ADAMTSL1: variants seen among roughly 807,000 people sequenced by gnomAD.
ADAMTSL1 encodes the protein ADAMTS-like protein 1.
A neutral mutation model predicts 201.8 loss-of-function variants in ADAMTSL1; 126 were observed. That is an observed-to-expected ratio of 0.62 (90% confidence interval 0.54 to 0.72). The LOEUF is 0.72. Among genes scored for constraint, ADAMTSL1 ranks in the 30% least tolerant of loss-of-function variants. ADAMTSL1 has a pLI of 0.00. For synonymous variants in ADAMTSL1, 1,121 were observed against 903.4 expected (o/e 1.24, Z -4.32); for missense variants, 2,679 against 2,277.8 (o/e 1.18, Z -3.59).
At chr9:18,533,639 A>G (rs1359325781) in intron 3 of ADAMTSL1, among the ~76,000 whole-genome samples, 2 of 152,144 alleles carry the variant, frequency 1.3e-5, no homozygotes, top group Non-Finnish European at 2.9e-5. Flanking sequence ...TGTAAATCAA[A>G]CTCAGATTTG....
intron 23 of ADAMTSL1, among the ~76,000 whole-genome samples, chr9:18,841,712 A>C (rs1420391998): frequency 2.6e-5 from 4 of 152,180 alleles, no homozygotes; most frequent in Non-Finnish European, 5.9e-5. Flanking sequence ...TCACAATTTC[A>C]GTTCCTGTTA....
At chr9:18,304,106 G>A (rs1451540877) in intron 2 of ADAMTSL1, among the ~76,000 whole-genome samples, 1 of 151,924 alleles carries the variant, frequency 6.6e-6, no homozygotes. Flanking sequence ...CTGTCTAGAT[G>A]TCCTCTATGT....
chr9:17,984,874 C>A (rs1183511079), intron 1 of ADAMTSL1, among the ~76,000 whole-genome samples: 1 of 152,054 alleles, frequency 6.6e-6, no homozygotes, highest in Admixed American at 6.5e-5. Flanking sequence ...AATCATAACC[C>A]CCTCTACCTT....
At chr9:17,969,408 C>G (rs1054441376) in intron 1 of ADAMTSL1, among the ~76,000 whole-genome samples, 5 of 152,034 alleles carry the variant, frequency 3.3e-5, no homozygotes, top group African/African-American at 1.2e-4. Flanking sequence ...AGGAGGTAGA[C>G]TTTGCCTTCA....
rs1378557936 is a variant in ADAMTSL1, at chr9:18,547,785, C to T, written c.237+14493C>T. Among the ~76,000 whole-genome samples, 6 of 151,960 alleles carry T rather than the reference C, an allele frequency of 3.9e-5. No homozygotes were observed. The East Asian group carries it at 1.2e-3, about 29-fold the overall frequency. On this transcript the variant is annotated intron_variant, in intron 3 of 28. Coordinates refer to ENST00000380548, the MANE Select transcript of ADAMTSL1 (RefSeq NM_001040272.6). ...GCCATACTTTCCCTCTGGGTCTAGACTTGCAATTTCTTCATTATGGATTAA... is the reference window on the plus strand; with the variant it reads ...GCCATACTTTCCCTCTGGGTCTAGATTTGCAATTTCTTCATTATGGATTAA...
At chr9:18,876,301 C>CGTGTGTGTGTGTGTGTGTGTGTGTGTGT (rs59150507) in intron 23 of ADAMTSL1, among the ~76,000 whole-genome samples, 20 of 139,726 alleles carry the variant, frequency 1.4e-4, no homozygotes, top group African/African-American at 2.2e-4. Flanking sequence ...TGCCTGAATA[C>CGTGTGTGTGTGTGTGTGTGTGTGTGTGT]GTGTGTGTGT....
intron 2 of ADAMTSL1, among the ~76,000 whole-genome samples, chr9:18,324,941 A>T (rs929288447): frequency 6.6e-6 from 1 of 152,188 alleles, no homozygotes. Flanking sequence ...GGACAAAAAA[A>T]CTTAAACACT....
At chr9:18,063,071 G>A (rs1203499862) in intron 1 of ADAMTSL1, among the ~76,000 whole-genome samples, 3 of 152,184 alleles carry the variant, frequency 2.0e-5, no homozygotes. Flanking sequence ...GCTCATGTCT[G>A]TAATCCTGGT....
At chr9:18,353,595 G>A (rs1180493773) in intron 2 of ADAMTSL1, among the ~76,000 whole-genome samples, 1 of 152,152 alleles carries the variant, frequency 6.6e-6, no homozygotes, top group Non-Finnish European at 1.5e-5. Context: ...TAGTTAGTAA[G>A]GAGGCCCATA....
At chr9:18,259,271 C>A (rs750011244) in intron 2 of ADAMTSL1, among the ~76,000 whole-genome samples, 20 of 152,118 alleles carry the variant, frequency 1.3e-4, no homozygotes, top group Non-Finnish European at 2.1e-4. Flanking sequence ...TTAAATTCCT[C>A]ATCTACGCTT....
intron 4 of ADAMTSL1, among the ~76,000 whole-genome samples, chr9:18,583,371 C>G (rs904045423): frequency 7.2e-5 from 11 of 152,164 alleles, no homozygotes; most frequent in Non-Finnish European, 5.9e-5. Context: ...TGTGAGTGCA[C>G]AGAAGTCAAG....
intron 16 of ADAMTSL1, among the ~76,000 whole-genome samples, chr9:18,766,783 G>T (rs1820389552): frequency 6.6e-6 from 1 of 152,128 alleles, no homozygotes; most frequent in African/African-American, 2.4e-5. Flanking sequence ...CCACCGTCAT[G>T]ACCTAATCAT....
chr9:18,463,236 T>C (rs1354396990), intron 2 of ADAMTSL1, among the ~76,000 whole-genome samples: 1 of 152,194 alleles, frequency 6.6e-6, no homozygotes, highest in Admixed American at 6.5e-5. Flanking sequence ...ATCATACTTA[T>C]TATCACATTG....
At chr9:18,813,201 A>G (rs1409437651) in intron 20 of ADAMTSL1, among the ~76,000 whole-genome samples, 1 of 151,940 alleles carries the variant, frequency 6.6e-6, no homozygotes, top group Admixed American at 6.6e-5. Context: ...TCTTGACCAC[A>G]TGATCCGCCG....
chr9:18,320,513 A>G (rs1255687442), intron 2 of ADAMTSL1, among the ~76,000 whole-genome samples: 1 of 152,244 alleles, frequency 6.6e-6, no homozygotes, highest in Non-Finnish European at 1.5e-5. Context: ...CAACTGCTAA[A>G]AGAGTTCTTC....
intron 2 of ADAMTSL1, among the ~76,000 whole-genome samples, chr9:18,304,564 T>C (rs1413545071): frequency 1.3e-5 from 2 of 152,100 alleles, no homozygotes; most frequent in Non-Finnish European, 2.9e-5. Context: ...AAGCGTGTTA[T>C]TTACCTACAC....
At chr9:18,129,572 G>C (rs1302867017) in intron 1 of ADAMTSL1, among the ~76,000 whole-genome samples, 1 of 152,030 alleles carries the variant, frequency 6.6e-6, no homozygotes, top group Non-Finnish European at 1.5e-5. Flanking sequence ...CAGATGCAAT[G>C]TGGGCCCATA....
intron 2 of ADAMTSL1, among the ~76,000 whole-genome samples, chr9:18,319,700 A>C (rs1235025959): frequency 1.3e-5 from 2 of 152,216 alleles, no homozygotes; most frequent in East Asian, 3.8e-4. Context: ...TTCACATGGA[A>C]GAACAACTAT....
At chr9:18,174,409 G>C (rs1828046482) in intron 2 of ADAMTSL1, among the ~76,000 whole-genome samples, 1 of 152,146 alleles carries the variant, frequency 6.6e-6, no homozygotes, top group African/African-American at 2.4e-5. Context: ...TGGCATCAGA[G>C]GTCTGCACAG....
Sources: gnomAD v4.1 joint callset for allele counts (sites outside exome capture counted in the v4.1 genomes callset) on GRCh38, gnomAD v4.1.1 for gene constraint, MANE v1.5 for transcripts, NCBI Gene and HGNC (gene_info 2026-07-23, HGNC 2026-07-21) for gene names.